The following SLC2A9 variants were observed in gnomAD, a reference collection of about 807,000 sequenced individuals.
SLC2A9 encodes solute carrier family 2, facilitated glucose transporter member 9.
Under a neutral mutation model 50.6 loss-of-function variants are expected in SLC2A9, and 39 were observed. The ratio of observed to expected loss-of-function variants is 0.77; its 90% CI spans 0.60 to 1.01. The LOEUF (loss-of-function observed/expected upper bound fraction) is 1.01, where lower values mean the gene tolerates loss of function less well. SLC2A9 is among the 50% of genes least tolerant of loss of function. The pLI is 0.00. For synonymous variants in SLC2A9, 324 were observed against 276.9 expected (o/e 1.17, Z -1.69); for missense variants, 686 against 677.6 (o/e 1.01, Z -0.14).
At chr4:9,788,488 A>G (rs1273258371) in intron 3 of SLC2A9, among the ~76,000 whole-genome samples, 1 of 151,448 alleles carries the variant, frequency 6.6e-6, no homozygotes, top group Non-Finnish European at 1.5e-5. Context: ...CACCATGCCC[A>G]GCCCGGGTTT....
intron 8 of SLC2A9, among the ~76,000 whole-genome samples, chr4:9,906,628 C>T (rs561666496): frequency 1.3e-5 from 2 of 152,198 alleles, no homozygotes; most frequent in Admixed American, 6.6e-5. Context: ...TAGGTAATTT[C>T]TTCTTTGTTC....
At position 9,990,607 on chromosome 4, in the gene SLC2A9, C is replaced by T. The variant is rs77376600; in HGVS notation, c.411-4814G>A. On this transcript the variant is annotated intron_variant, in intron 3 of 11. Coordinates refer to ENST00000264784, the MANE Select transcript of SLC2A9 (RefSeq NM_020041.3). ...CTTATGATTTCTAACCCTGCTTTCC[C>T]GGCTCATGCGTCTGTAATACCAAAG... Among the ~76,000 whole-genome samples the T allele has an allele frequency of 7.9e-3, 1,209 of 152,164 alleles. 24 individuals are homozygous for T. The highest frequency in any genetic ancestry group is 0.079 in the East Asian group (408 of 5,172).
At position 9,920,400 on chromosome 4, in the gene SLC2A9, G is replaced by C. The variant is rs1283843286; in HGVS notation, c.987C>G (p.Leu329=). The C allele has an allele frequency of 6.2e-7, 1 of 1,614,040 alleles. No individual in the cohort carries two copies. The highest frequency in any genetic ancestry group is 8.5e-7 in the Non-Finnish European group (1 of 1,180,030). The change falls in exon 7 of 12, where the codon CTC becomes CTG. Residue 329 remains leucine, a synonymous_variant. Transcript: ENST00000264784. The part of the protein sequence containing the change: ...TVIVTMACYQ[L]CGLNAIWFYT... ...CAGGACTCACTGCATTGAGGCCACA[G>C]AGCTGGTAGCAGGCCATGGTGACAA...
intron 6 of SLC2A9, among the ~76,000 whole-genome samples, chr4:9,922,510 G>C (rs548633544): frequency 6.6e-6 from 1 of 152,248 alleles, no homozygotes; most frequent in East Asian, 1.9e-4. Flanking sequence ...TTTTCTTAAA[G>C]CTTCAATTTA....
chr4:9,781,766 G>A, intron 3 of SLC2A9: 1 of 399,750 alleles, frequency 2.5e-6, no homozygotes, highest in Non-Finnish European at 4.4e-6. Context: ...AACAGCCCTG[G>A]CTGTCAGCGA....
intron 3 of SLC2A9, chr4:9,782,298 T>A (rs1193123213): frequency 6.2e-7 from 1 of 1,614,014 alleles, no homozygotes; most frequent in Non-Finnish European, 8.5e-7. Context: ...GACCTTTTCG[T>A]GGCGCTGCTG....
At position 9,952,804 on chromosome 4, in the gene SLC2A9, C is replaced by T. The variant is rs897891959; in HGVS notation, c.682-10759G>A. 7.9e-5 allele frequency among the ~76,000 whole-genome samples: 12 copies of T among 152,292 alleles called. No individual in the cohort carries two copies. In the East Asian group the frequency reaches 2.3e-3, roughly 29 times the overall value. ...CTTCCCAGAATGCTGGGATTACCGG[C>T]GTGAGTCAGGTGTTTACAGCCGTGC... On this transcript the variant is annotated intron_variant, in intron 5 of 11. Transcript: ENST00000264784.
Position 9,863,268 on chromosome 4 carries a change from T to A in SLC2A9, c.1291+24299A>T, listed in dbSNP as rs143354566. ...CTCAAGCCATCCTCCCACCTCAGCC[T>A]CCCAAGTAGCTGGGACTACAGGCAT... On this transcript the variant is annotated intron_variant, in intron 10 of 11. Coordinates refer to ENST00000264784, the MANE Select transcript of SLC2A9 (RefSeq NM_020041.3). 2.5e-3 allele frequency among the ~76,000 whole-genome samples: 375 copies of A among 152,078 alleles called. 9 individuals carry two copies. The highest frequency in any genetic ancestry group is 8.8e-3 in the African/African-American group (362 of 41,370).
At chr4:9,880,017 G>A (rs1734936160) in intron 10 of SLC2A9, 2 of 985,300 alleles carry the variant, frequency 2.0e-6, no homozygotes, top group Non-Finnish European at 2.4e-6. Context: ...CCTCTCCTGG[G>A]AGATCCATCC....
chr4:9,928,902 T>C (rs1180767725), intron 6 of SLC2A9, among the ~76,000 whole-genome samples: 1 of 152,238 alleles, frequency 6.6e-6, no homozygotes. Context: ...CAACAACTTC[T>C]TACTACTCAG....
chr4:9,783,332 G>A (rs1434044656), intron 3 of SLC2A9: 28 of 1,614,204 alleles, frequency 1.7e-5, no homozygotes, highest in Middle Eastern at 1.6e-4. Context: ...GGGTCCTTTC[G>A]ATCGCATGTT....
At chr4:9,904,025 T>A (rs1239400742) in intron 8 of SLC2A9, among the ~76,000 whole-genome samples, 1 of 150,680 alleles carries the variant, frequency 6.6e-6, no homozygotes, top group African/African-American at 2.4e-5. Flanking sequence ...TTTTTATATA[T>A]ACATAACTTT....
At chr4:9,856,937 C>T (rs536955428) in intron 10 of SLC2A9, among the ~76,000 whole-genome samples, 1 of 152,042 alleles carries the variant, frequency 6.6e-6, no homozygotes, top group Admixed American at 6.6e-5. Context: ...CACAAGGGAA[C>T]AATGACACTG....
intron 10 of SLC2A9, among the ~76,000 whole-genome samples, chr4:9,853,439 A>G (rs1280353177): frequency 4.6e-5 from 7 of 152,270 alleles, no homozygotes; most frequent in Non-Finnish European, 1.0e-4. Context: ...ACTCAATTCA[A>G]CAAGAATGCC....
chr4:9,854,954 A>G (rs951037471), intron 10 of SLC2A9, among the ~76,000 whole-genome samples: 1 of 152,286 alleles, frequency 6.6e-6, no homozygotes, highest in South Asian at 2.1e-4. Flanking sequence ...TTGAAGGAAC[A>G]TACCCCAAAA....
At chr4:9,942,128 AC>A in intron 5 of SLC2A9, 83 bp from the exon 6 acceptor site, 1 of 1,560,460 alleles carries the variant, frequency 6.4e-7, no homozygotes, top group South Asian at 1.1e-5. Context: ...GGTGGTTTCG[AC>A]CCTGCAGAAG....
At chr4:9,878,975 C>G (rs1734746282) in intron 10 of SLC2A9, 4 of 936,420 alleles carry the variant, frequency 4.3e-6, no homozygotes, top group Non-Finnish European at 5.1e-6. Flanking sequence ...TAGAAAACAC[C>G]ACACACCACA....
At chr4:9,969,184 G>C (rs1250420662) in intron 5 of SLC2A9, among the ~76,000 whole-genome samples, 2 of 152,012 alleles carry the variant, frequency 1.3e-5, no homozygotes, top group African/African-American at 2.4e-5. Flanking sequence ...AATATCAAAT[G>C]CTAAGTGATA....
intron 3 of SLC2A9, among the ~76,000 whole-genome samples, chr4:9,819,247 T>C (rs933482199): frequency 2.6e-5 from 4 of 152,148 alleles, no homozygotes; most frequent in African/African-American, 9.7e-5. Context: ...AACAATATTT[T>C]GATCACCACT....
Sources: gnomAD v4.1 joint callset for allele counts (sites outside exome capture counted in the v4.1 genomes callset) on GRCh38, gnomAD v4.1.1 for gene constraint, MANE v1.5 for transcripts, NCBI Gene and HGNC (gene_info 2026-07-23, HGNC 2026-07-21) for gene names.